The following GDAP1 variants were observed in gnomAD, a reference collection of about 807,000 sequenced individuals.
GDAP1 encodes the protein ganglioside induced differentiation associated protein 1.
GDAP1 carries 34 observed loss-of-function variants against 40.1 expected under a neutral mutation model. That is an observed-to-expected ratio of 0.85 (90% CI 0.64 to 1.13). The LOEUF is 1.13. Ranked by LOEUF, GDAP1 falls within the 50% of genes most tolerant of loss-of-function variation. The probability of loss-of-function intolerance (pLI) is 0.00; values close to 1 mark genes in which losing one functional copy is unlikely to be tolerated. For synonymous variants in GDAP1, 170 were observed against 157.4 expected, an observed-to-expected ratio of 1.08 and a Z score of -0.60; for missense variants, 374 against 433.7, an observed-to-expected ratio of 0.86 and a Z score of 1.22.
chr8:74,476,714 A>T (rs1024000699), intron 2 of GDAP1, among the ~76,000 whole-genome samples: 2 of 151,582 alleles, frequency 1.3e-5, no homozygotes, highest in African/African-American at 4.9e-5. Context: ...TGCCTTTAAC[A>T]TTTTTTCTTT....
At chr8:74,351,509 C>A in intron 2 of GDAP1, 43 bp downstream of exon 2, 2 of 1,305,362 alleles carry the variant, frequency 1.5e-6, no homozygotes, top group Non-Finnish European at 2.2e-6. Context: ...TTACTTTCAA[C>A]ACAACTATGT....
chr8:74,480,591 T>C (rs1806698328), intron 2 of GDAP1, among the ~76,000 whole-genome samples: 1 of 152,230 alleles, frequency 6.6e-6, no homozygotes, highest in Admixed American at 6.5e-5. Flanking sequence ...TTGTCAGTCA[T>C]AAAAGGAAGT....
intron 2 of GDAP1, among the ~76,000 whole-genome samples, chr8:74,375,862 TG>T (rs1809844044): frequency 6.6e-6 from 1 of 152,256 alleles, no homozygotes; most frequent in South Asian, 2.1e-4. Flanking sequence ...GTAATTGATA[TG>T]ATTTTTCCTA....
intron 2 of GDAP1, among the ~76,000 whole-genome samples, chr8:74,386,505 C>T (rs540310091): frequency 1.3e-5 from 2 of 152,180 alleles, no homozygotes; most frequent in South Asian, 2.1e-4. Flanking sequence ...AGATGTGTGG[C>T]GTTATTCCTG....
At chr8:74,398,978 A>C (rs1441319758) in intron 2 of GDAP1, among the ~76,000 whole-genome samples, 1 of 152,060 alleles carries the variant, frequency 6.6e-6, no homozygotes, top group African/African-American at 2.4e-5. Flanking sequence ...TTTTTGCATC[A>C]ATGTTCATCA....
chr8:74,365,871 A>G lies in GDAP1; in HGVS notation c.*1504A>G, dbSNP rs370338572. 1.8e-4 allele frequency: 80 copies of G among 453,992 alleles called. 2 individuals are homozygous for G. The highest frequency in any genetic ancestry group is 1.1e-3 in the South Asian group (72 of 64,424). 28.1% of individuals were successfully genotyped at this position (453,992 alleles called of 1,614,324 possible). A position where few individuals can be genotyped will look rare whatever the true frequency, so the allele number is the denominator to read the frequency against. ...CTTTTATAACATTTAAAATTTGCAC[A>G]TGAGTGTGTTGTCATATGGAGTGTC... On this transcript the variant is annotated 3_prime_UTR_variant, in exon 6 of 6. Coordinates refer to ENST00000220822, the MANE Select transcript of GDAP1 (RefSeq NM_018972.4).
chr8:74,456,522 G>C (rs1305967030), intron 2 of GDAP1, among the ~76,000 whole-genome samples: 1 of 151,890 alleles, frequency 6.6e-6, no homozygotes, highest in Non-Finnish European at 1.5e-5. Flanking sequence ...ATTCGTTTTG[G>C]CTTCATTCAT....
At chr8:74,476,396 A>G (rs772363303) in intron 2 of GDAP1, among the ~76,000 whole-genome samples, 1 of 151,994 alleles carries the variant, frequency 6.6e-6, no homozygotes, top group Non-Finnish European at 1.5e-5. Flanking sequence ...CTGTGTATTC[A>G]TGTGTTTTTG....
chr8:74,397,041 T>C (rs1038730371), intron 2 of GDAP1, among the ~76,000 whole-genome samples: 41 of 152,276 alleles, frequency 2.7e-4, no homozygotes, highest in Non-Finnish European at 4.7e-4. Flanking sequence ...TTTTAATGAT[T>C]GCCATTCTAA....
rs561601715 is a variant in GDAP1, at chr8:74,452,211, A to G, written c.166-36467A>G. ...GTGATCTGCCCACCTCGGCCTCCCA[A>G]AGTGCTGGGATTACAGGCATGAGCC... On this transcript the variant is annotated intron_variant, in intron 2 of 2. Transcript: ENST00000523640. Among the ~76,000 whole-genome samples, 32 of 82,480 alleles carry G rather than the reference A, an allele frequency of 3.9e-4. 12 individuals are homozygous for G. The highest frequency in any genetic ancestry group is 7.5e-4 in the Admixed American group (6 of 8,014). The allele number at this position is 82,480 out of a possible 152,430, so 54.1% of individuals were successfully genotyped here. A position where few individuals can be genotyped will look rare whatever the true frequency, so the allele number is the denominator to read the frequency against.
intron 2 of GDAP1, among the ~76,000 whole-genome samples, chr8:74,422,154 A>G (rs1393885556): frequency 6.7e-6 from 1 of 148,308 alleles, no homozygotes; most frequent in African/African-American, 2.5e-5. Context: ...TTCCTTCTTC[A>G]TTTTCTTCTT....
intron 2 of GDAP1, among the ~76,000 whole-genome samples, chr8:74,431,535 A>G (rs1263011497): frequency 1.1e-4 from 16 of 152,056 alleles, no homozygotes; most frequent in African/African-American, 3.6e-4. Flanking sequence ...AGGCTGGAGC[A>G]CAGTGGCTGG....
chr8:74,381,585 G>C (rs1233675544), intron 2 of GDAP1, among the ~76,000 whole-genome samples: 1 of 151,926 alleles, frequency 6.6e-6, no homozygotes, highest in Admixed American at 6.6e-5. Context: ...TCAAAACCCT[G>C]TCTCTACTAA....
chr8:74,473,127 C>G (rs1806581380), intron 2 of GDAP1, among the ~76,000 whole-genome samples: 1 of 150,726 alleles, frequency 6.6e-6, no homozygotes. Context: ...TCTTTGCCCA[C>G]TTTTTAATGA....
chr8:74,378,602 T>C (rs765140237), intron 2 of GDAP1, among the ~76,000 whole-genome samples: 2 of 152,158 alleles, frequency 1.3e-5, no homozygotes, highest in Non-Finnish European at 2.9e-5. Flanking sequence ...AGCATCAATG[T>C]CCTCAACTTA....
At position 74,453,394 on chromosome 8, in the gene GDAP1, T is replaced by C. The variant is rs1176140544; in HGVS notation, c.166-35284T>C. 2.4e-5 allele frequency among the ~76,000 whole-genome samples: 2 copies of C among 84,264 alleles called. 1 individual carries two copies. The highest frequency in any genetic ancestry group is 4.8e-5 in the Non-Finnish European group (2 of 41,314). The allele number at this position is 84,264 out of a possible 152,430, so 55.3% of individuals were successfully genotyped here. On this transcript the variant is annotated intron_variant, in intron 2 of 2. Transcript: ENST00000523640. The stretch of plus-strand genomic sequence containing the variant: ...AAGACAATACATACCTAAGCACTTA[T>C]AGAATCTAGCATATTGGAAGAGTCT...
At chr8:74,432,627 T>TGTGCTCCTGTGCTCCATGGCTGTGCAG (rs1471382554) in intron 2 of GDAP1, among the ~76,000 whole-genome samples, 5 of 152,164 alleles carry the variant, frequency 3.3e-5, no homozygotes, top group Non-Finnish European at 7.3e-5. Flanking sequence ...CTCCTGTGCT[T>TGTGCTCCTGTGCTCCATGGCTGTGCAG]CCATGAATGG....
intron 2 of GDAP1, among the ~76,000 whole-genome samples, chr8:74,422,339 T>TCCC (rs1805880486): frequency 3.5e-5 from 2 of 57,214 alleles, no homozygotes; most frequent in African/African-American, 8.9e-5. Flanking sequence ...CTTTCTTTCT[T>TCCC]TCTTTCTTTC....
intron 2 of GDAP1, among the ~76,000 whole-genome samples, chr8:74,457,845 A>C (rs887778872): frequency 2.0e-5 from 3 of 152,136 alleles, no homozygotes; most frequent in African/African-American, 7.2e-5. Flanking sequence ...CAGTGATCAG[A>C]GGCAAATCTC....
Sources: allele counts gnomAD v4.1 joint callset (sites outside exome capture counted in the v4.1 genomes callset), GRCh38; gene constraint gnomAD v4.1.1; transcripts MANE v1.5; gene names NCBI Gene and HGNC (gene_info 2026-07-23, HGNC 2026-07-21).